The following DAB2 variants were observed in gnomAD, a reference collection of about 807,000 sequenced individuals.
DAB2 encodes disabled homolog 2.
In DAB2, 28 loss-of-function variants were observed where a neutral mutation model predicts 71.6. That is an observed-to-expected ratio of 0.39 (90% CI 0.29 to 0.54). The LOEUF (loss-of-function observed/expected upper bound fraction) is 0.54. Among genes scored for constraint, DAB2 ranks in the 20% least tolerant of loss-of-function variants. The pLI, the probability that DAB2 is intolerant of heterozygous loss-of-function variation, is 0.68. For synonymous variants in DAB2, 345 were observed against 339.7 expected (o/e 1.02, Z -0.17); for missense variants, 867 against 928.8 (o/e 0.93, Z 0.86).
intron 1 of DAB2, among the ~76,000 whole-genome samples, chr5:39,420,639 T>C (rs1755958352): frequency 6.6e-6 from 1 of 152,212 alleles, no homozygotes; most frequent in Non-Finnish European, 1.5e-5. Flanking sequence ...AACTTTTAGG[T>C]TCCAGAAATT....
chr5:39,376,074 G>A lies in DAB2; in HGVS notation c.2170C>T (p.Leu724=), dbSNP rs371958855. ...PPKPAPRQVS[L]PVTKSTDNAF... is the part of the protein sequence containing the mutation. ...TTGTCAGTAGATTTGGTAACTGGCA[G>A]GGAAACTTGTCTGGGAGCTGGCTTT... is the stretch of plus-strand genomic sequence containing the variant. The change falls in exon 13 of 15, where the codon CTG becomes TTG. Residue 724 remains leucine, a synonymous_variant. Coordinates refer to ENST00000320816, the MANE Select transcript of DAB2 (RefSeq NM_001343.4). The A allele has an allele frequency of 8.7e-6, 14 of 1,614,010 alleles. No homozygotes were observed. In the East Asian group the frequency reaches 2.9e-4, roughly 33 times the overall value.
rs1395561861 is a variant in DAB2, at chr5:39,372,828, CAG to C, written c.*601_*602del. On this transcript the variant is annotated 3_prime_UTR_variant, in exon 15 of 15. Coordinates refer to ENST00000320816, the MANE Select transcript of DAB2 (RefSeq NM_001343.4). ...CTTGGCCTTGGGAGAAATTGATCTT[CAG>C]AAAGAAGAGAAGCTATCTCTTTAAA... 1 of 152,042 alleles carries C rather than the reference CAG, an allele frequency of 6.6e-6. No individual in the cohort carries two copies. Among genetic ancestry groups the C allele is most frequent in the Non-Finnish European group, 1.5e-5 (1 of 68,018 alleles). The allele number at this position is 152,042 out of a possible 1,614,324, so 9.4% of individuals were successfully genotyped here.
chr5:39,406,370 AC>A (rs1270207830), intron 1 of DAB2, among the ~76,000 whole-genome samples: 1 of 152,108 alleles, frequency 6.6e-6, no homozygotes, highest in Non-Finnish European at 1.5e-5. Flanking sequence ...CACTTCCCAT[AC>A]CTGGAGACAC....
Position 39,389,944 on chromosome 5 carries a change from G to T in DAB2, c.463-12C>A. ...ACTAATGGTTCAGCCTGCAGTAAGGGAAAGCACTGTTATCCGTATTTTAAT... is the reference window on the plus strand; with the variant it reads ...ACTAATGGTTCAGCCTGCAGTAAGGTAAAGCACTGTTATCCGTATTTTAAT... On this transcript the variant is annotated splice_polypyrimidine_tract_variant and intron_variant, in intron 5 of 14. Coordinates refer to ENST00000320816, the MANE Select transcript of DAB2 (RefSeq NM_001343.4). 1 of 1,530,792 alleles carries T rather than the reference G, an allele frequency of 6.5e-7. No individual in the cohort carries two copies. The highest frequency in any genetic ancestry group is 1.2e-5 in the South Asian group (1 of 83,814). The allele number at this position is 1,530,792 out of a possible 1,614,324, so 94.8% of individuals were successfully genotyped here.
At chr5:39,375,769 C>A (rs1215750043) in intron 13 of DAB2, among the ~76,000 whole-genome samples, 1 of 152,018 alleles carries the variant, frequency 6.6e-6, no homozygotes, top group Non-Finnish European at 1.5e-5. Flanking sequence ...GCCTATAGTC[C>A]CACCTACTCA....
At chr5:39,377,754 T>G (rs1754866722) in intron 11 of DAB2, among the ~76,000 whole-genome samples, 1 of 152,224 alleles carries the variant, frequency 6.6e-6, no homozygotes, top group Admixed American at 6.5e-5. Context: ...TTTGATCTTT[T>G]CATTTGGCAA....
rs753056299 is a variant in DAB2, at chr5:39,392,463, C to G, written c.232G>C (p.Gly78Arg). 6.9e-5 allele frequency: 111 copies of G among 1,610,100 alleles called. No homozygotes were observed. Among genetic ancestry groups the G allele is most frequent in the Non-Finnish European group, 9.4e-5 (110 of 1,176,428 alleles). The change falls in exon 4 of 15, where the codon GGA (glycine) becomes CGA (arginine). Residue 78 changes from glycine to arginine, a missense_variant and splice_region_variant. Gly to Arg is a moderately radical substitution (Grantham distance 125, BLOSUM62 -2). Transcript: ENST00000320816. ...TGAGACCGACCAGCTGCCGCCATTC[C>G]CTGATGAGGGTGGAAAAACAAGAGA... Reference protein sequence around the residue: ...MSQDSMMKLKGMAAAGRSQGQ... With the variant: ...MSQDSMMKLKRMAAAGRSQGQ...
chr5:39,403,480 T>C (rs1030093067), intron 1 of DAB2, among the ~76,000 whole-genome samples: 4 of 152,206 alleles, frequency 2.6e-5, no homozygotes, highest in African/African-American at 4.8e-5. Flanking sequence ...TTGAACATGG[T>C]ATTTTATAGA....
At chr5:39,393,148 A>T in intron 3 of DAB2, 106 bp downstream of exon 3, 1 of 1,155,898 alleles carries the variant, frequency 8.7e-7, no homozygotes, top group Non-Finnish European at 1.3e-6. Context: ...TGTGATTAAA[A>T]GCAGTTTTCA....
intron 4 of DAB2, 69 bp from the exon 5 acceptor site, chr5:39,390,644 G>A (rs1755205512): frequency 8.2e-7 from 1 of 1,223,534 alleles, no homozygotes; most frequent in Non-Finnish European, 1.2e-6. Context: ...GCACACCGAA[G>A]CCTCAGACAC....
chr5:39,392,021 GTATT>G (rs1755242819), intron 4 of DAB2, among the ~76,000 whole-genome samples: 1 of 146,162 alleles, frequency 6.8e-6, no homozygotes, highest in South Asian at 2.1e-4. Context: ...AATTATATAT[GTATT>G]TATATTTTAA....
intron 1 of DAB2, among the ~76,000 whole-genome samples, chr5:39,406,245 G>C (rs1218487083): frequency 2.6e-5 from 4 of 152,134 alleles, no homozygotes; most frequent in Admixed American, 2.6e-4. Flanking sequence ...CAGCCAAGCA[G>C]ACTCGGGCAG....
Position 39,376,699 on chromosome 5 carries a change from A to G in DAB2, c.2088T>C (p.Asn696=). 6.2e-7 allele frequency: 1 copy of G among 1,614,140 alleles called. No individual in the cohort carries two copies. Among genetic ancestry groups the G allele is most frequent in the Non-Finnish European group, 8.5e-7 (1 of 1,180,020 alleles). ...FNSKVGIPQE[N]ADHDDFDANQ... ...TAGCATCAAAGTCATCATGGTCTGC[A>G]TTCTCCTGAGGAATGCCAACCTTGC... The change falls in exon 12 of 15, where the codon AAT becomes AAC. Residue 696 remains asparagine (N), a synonymous_variant. Coordinates refer to ENST00000320816, the MANE Select transcript of DAB2 (RefSeq NM_001343.4).
intron 1 of DAB2, among the ~76,000 whole-genome samples, chr5:39,402,368 C>T (rs1333346041): frequency 3.3e-5 from 5 of 152,138 alleles, no homozygotes; most frequent in Admixed American, 3.3e-4. Context: ...CAGTAAGAAC[C>T]TATGCTCAAA....
intron 10 of DAB2, 80 bp downstream of exon 10, chr5:39,382,538 A>G: frequency 7.1e-7 from 1 of 1,398,950 alleles, no homozygotes; most frequent in Non-Finnish European, 9.8e-7. Flanking sequence ...CGAGAGCAGC[A>G]GGAAAGAGAG....
intron 1 of DAB2, among the ~76,000 whole-genome samples, chr5:39,398,241 G>T (rs1755414770): frequency 6.6e-6 from 1 of 152,190 alleles, no homozygotes; most frequent in Non-Finnish European, 1.5e-5. Context: ...GGTGGCATCT[G>T]GGTTTAGTCA....
intron 14 of DAB2, among the ~76,000 whole-genome samples, chr5:39,373,887 C>T (rs1754757331): frequency 6.6e-6 from 1 of 152,120 alleles, no homozygotes; most frequent in Non-Finnish European, 1.5e-5. Flanking sequence ...TTAGAATCAC[C>T]TGCACTCTTG....
rs558222817 is a variant in DAB2, at chr5:39,393,039, G to C, written c.231+215C>G. Among the ~76,000 whole-genome samples, 15 of 152,308 alleles carry C rather than the reference G, an allele frequency of 9.8e-5. No individual in the cohort carries two copies. In the South Asian group the frequency reaches 2.3e-3, roughly 23 times the overall value. ...GCTTGCCAGAAGGAAAAGGCATCTA[G>C]AGTCCTATTATACTTGATAAAATTA... On this transcript the variant is annotated intron_variant, in intron 3 of 14. Coordinates refer to ENST00000320816, the MANE Select transcript of DAB2 (RefSeq NM_001343.4).
chr5:39,411,339 A>G (rs1223789120), intron 1 of DAB2, among the ~76,000 whole-genome samples: 1 of 152,130 alleles, frequency 6.6e-6, no homozygotes, highest in African/African-American at 2.4e-5. Context: ...ATTAGCTTTT[A>G]TTTTCTTTCA....
Sources: gnomAD v4.1 joint callset for allele counts (sites outside exome capture counted in the v4.1 genomes callset) on GRCh38, gnomAD v4.1.1 for gene constraint, MANE v1.5 for transcripts, NCBI Gene and HGNC (gene_info 2026-07-23, HGNC 2026-07-21) for gene names.